NECAB3: variants seen among roughly 807,000 people sequenced by gnomAD.
NECAB3 encodes the protein N-terminal EF-hand calcium-binding protein 3.
A neutral mutation model predicts 57.2 loss-of-function variants in NECAB3; 38 were observed. The observed-to-expected ratio is 0.66, with a 90% CI of 0.51 to 0.87. NECAB3 has a LOEUF of 0.87. Ranked by LOEUF, NECAB3 falls within the 40% of genes least tolerant of loss-of-function variation. The pLI is 0.00. For missense variants in NECAB3, 474 were observed against 527.5 expected, an observed-to-expected ratio of 0.90 and a Z score of 0.99; for synonymous variants, 223 against 222.6, an observed-to-expected ratio of 1.00 and a Z score of -0.02.
Position 33,658,546 on chromosome 20 carries a change from G to A in NECAB3, c.1001C>T (p.Ala334Val), listed in dbSNP as rs1207307504. Residue 334 changes from alanine to valine, a missense_variant, in exon 10 of 12, where the codon GCC (alanine) becomes GTC (valine). By Grantham distance (64) the Ala-to-Val change is moderately conservative. Transcript: ENST00000246190. ...GAQSHCLHVS[A>V]QKMLDGASFT... ...GGAGGCACCGTCCAGCATCTTCTGG[G>A]CGGACACACTGTAGGGCCAAAGAGA... 1 of 1,614,040 alleles carries A rather than the reference G, an allele frequency of 6.2e-7. No homozygotes were observed. Among genetic ancestry groups the A allele is most frequent in the South Asian group, 1.1e-5 (1 of 91,078 alleles).
At chr20:33,673,667 G>A (rs1464684128) in intron 1 of NECAB3, among the ~76,000 whole-genome samples, 1 of 152,170 alleles carries the variant, frequency 6.6e-6, no homozygotes, top group East Asian at 1.9e-4. Context: ...CTGGAGTTGG[G>A]GCATGAGGGG....
chr20:33,661,453 G>A (rs1186322499), intron 5 of NECAB3, among the ~76,000 whole-genome samples: 1 of 152,174 alleles, frequency 6.6e-6, no homozygotes, highest in Non-Finnish European at 1.5e-5. Context: ...CCTGGGCCAG[G>A]CTTATGAGCT....
At chr20:33,669,846 A>G in intron 3 of NECAB3, 134 bp from the exon 4 acceptor site, 1 of 946,026 alleles carries the variant, frequency 1.1e-6, no homozygotes, top group Non-Finnish European at 1.6e-6. Context: ...CCCCAGATTA[A>G]GTTGCTCCTG....
Position 33,657,728 on chromosome 20 carries a change from G to T in NECAB3, c.*101C>A. Reference sequence around the variant, plus strand: ...AGCCCTTCCACCAGGCCCAAGTCCAGGAGGAGACAAGTCCTGGTCTTTGCG... The same window carrying T: ...AGCCCTTCCACCAGGCCCAAGTCCATGAGGAGACAAGTCCTGGTCTTTGCG... On this transcript the variant is annotated 3_prime_UTR_variant, in exon 12 of 12. Coordinates refer to ENST00000246190, the MANE Select transcript of NECAB3 (RefSeq NM_031232.4). 1 of 1,292,514 alleles carries T rather than the reference G, an allele frequency of 7.7e-7. No individual in the cohort carries two copies. Among genetic ancestry groups the T allele is most frequent in the Non-Finnish European group, 1.0e-6 (1 of 959,928 alleles). 80.1% of individuals were successfully genotyped at this position (1,292,514 alleles called of 1,614,324 possible).
chr20:33,658,063 C>G (rs3746461), intron 10 of NECAB3, 30 bp from the exon 11 acceptor site: 779,900 of 1,540,270 alleles, frequency 0.51, 201,161 homozygotes, highest in East Asian at 0.8. Flanking sequence ...AGTGACCTCG[C>G]TCTCCCCACT....
chr20:33,667,537 G>C, intron 5 of NECAB3: 3 of 1,542,408 alleles, frequency 1.9e-6, no homozygotes, highest in Non-Finnish European at 2.6e-6. Flanking sequence ...CTCCACCGGC[G>C]CGTTCAGCGG....
At chr20:33,662,864 G>A (rs1405452303) in intron 5 of NECAB3, 4 of 204,218 alleles carry the variant, frequency 2.0e-5, no homozygotes, top group Non-Finnish European at 4.1e-5. Flanking sequence ...AGCCCAGGAG[G>A]TCAGGGATGC....
chr20:33,669,674 T>TG lies in NECAB3; in HGVS notation c.289+12dup. 6.3e-7 allele frequency: 1 copy of TG among 1,591,758 alleles called. No individual in the cohort carries two copies. The highest frequency in any genetic ancestry group is 1.3e-5 in the African/African-American group (1 of 74,396). ...GGGCCACAGGAGAAAAGAGCTCCCA[T>TG]GGGCCTACTCACCACACAGTTTTTC... On this transcript the variant is annotated intron_variant, in intron 4 of 11. Coordinates refer to ENST00000246190, the MANE Select transcript of NECAB3 (RefSeq NM_031232.4).
chr20:33,674,067 C>G (rs2017893423), intron 1 of NECAB3, among the ~76,000 whole-genome samples, 157 bp downstream of exon 1: 1 of 152,200 alleles, frequency 6.6e-6, no homozygotes, highest in Non-Finnish European at 1.5e-5. Context: ...AGAGACAGAA[C>G]AGGTCACACA....
At chr20:33,672,175 A>G in intron 2 of NECAB3, 1 of 592,954 alleles carries the variant, frequency 1.7e-6, no homozygotes, top group Admixed American at 2.9e-5. Flanking sequence ...GTCAGCCCCT[A>G]TCTCCAGTCC....
intron 2 of NECAB3, 58 bp downstream of exon 2, chr20:33,672,340 G>A: frequency 1.2e-6 from 2 of 1,604,828 alleles, no homozygotes; most frequent in South Asian, 2.2e-5. Context: ...CTCTCCCTGG[G>A]CCTCCTGGAT....
At chr20:33,672,363 GC>G in intron 2 of NECAB3, 34 bp downstream of exon 2, 1 of 1,613,800 alleles carries the variant, frequency 6.2e-7, no homozygotes, top group Non-Finnish European at 8.5e-7. Context: ...CTCCCACCCT[GC>G]CCCACTGTGG....
At chr20:33,673,774 G>A (rs1448910132) in intron 1 of NECAB3, among the ~76,000 whole-genome samples, 2 of 152,176 alleles carry the variant, frequency 1.3e-5, no homozygotes, top group African/African-American at 2.4e-5. Flanking sequence ...ATGGCCCCAT[G>A]GGAGGGTGAC....
chr20:33,658,231 G>T (rs1399728130), intron 10 of NECAB3, among the ~76,000 whole-genome samples, 198 bp from the exon 11 acceptor site: 2 of 152,218 alleles, frequency 1.3e-5, no homozygotes, highest in African/African-American at 4.8e-5. Flanking sequence ...ATGGTGACAA[G>T]TGTGTATTCA....
Position 33,674,379 on chromosome 20 carries a change from T to C in NECAB3, c.-27A>G. ...GCGCCGCCACCCGCTCGGGCTCGGC[T>C]GCGGTTGCTGCCGACCCTGGACGCC... On this transcript the variant is annotated 5_prime_UTR_variant, in exon 1 of 12. Coordinates refer to ENST00000246190, the MANE Select transcript of NECAB3 (RefSeq NM_031232.4). 1.7e-6 allele frequency: 2 copies of C among 1,157,978 alleles called. No homozygotes were observed. 71.7% of individuals were successfully genotyped at this position (1,157,978 alleles called of 1,614,324 possible). A position where few individuals can be genotyped will look rare whatever the true frequency, so the allele number is the denominator to read the frequency against.
chr20:33,659,765 G>T (rs1243964948), intron 7 of NECAB3, 33 bp from the exon 8 acceptor site: 2 of 1,552,826 alleles, frequency 1.3e-6, no homozygotes, highest in Non-Finnish European at 8.7e-7. Context: ...GTCAGGCAGG[G>T]GCCTCTCAGG....
Position 33,670,707 on chromosome 20 carries a change from G to A in NECAB3, c.240C>T (p.Ser80=), listed in dbSNP as rs769431515. Reference sequence around the variant, plus strand: ...ACTCGGTGAGATGCCCATCAATGCCGCTGAACAGTTCCTGCAGCTCCCCCA... The same window carrying A: ...ACTCGGTGAGATGCCCATCAATGCCACTGAACAGTTCCTGCAGCTCCCCCA... The part of the protein sequence containing the change: ...LSLGELQELF[S]GIDGHLTDNL... The change falls in exon 3 of 12, where the codon AGC becomes AGT. Residue 80 remains serine, a synonymous_variant. Coordinates refer to ENST00000246190, the MANE Select transcript of NECAB3 (RefSeq NM_031232.4). 1.1e-5 allele frequency: 17 copies of A among 1,613,884 alleles called. No individual in the cohort carries two copies. The highest frequency in any genetic ancestry group is 1.7e-4 in the Middle Eastern group (1 of 6,054).
Position 33,657,623 on chromosome 20 carries a change from GACAA to G in NECAB3, c.*202_*205del. ...GCCAAAGTAGCTTGGAGGCTGAAGT[GACAA>G]ACAATAAAATACAGGGATAAATAAA... On this transcript the variant is annotated 3_prime_UTR_variant, in exon 12 of 12. Coordinates refer to ENST00000246190, the MANE Select transcript of NECAB3 (RefSeq NM_031232.4). The G allele has an allele frequency of 1.9e-6, 1 of 515,804 alleles. No homozygotes were observed. Among genetic ancestry groups the G allele is most frequent in the Non-Finnish European group, 3.2e-6 (1 of 310,182 alleles). The allele number at this position is 515,804 out of a possible 1,614,324, so 32.0% of individuals were successfully genotyped here. A position where few individuals can be genotyped will look rare whatever the true frequency, so the allele number is the denominator to read the frequency against.
In NECAB3 at chr20:33,659,549, G is replaced by C. The variant is rs758898074; in HGVS notation, c.827C>G (p.Ala276Gly). Residue 276 changes from alanine (A) to glycine (G), a missense_variant, in exon 8 of 12, where the codon GCC (alanine) becomes GGC (glycine). Ala to Gly is a moderately conservative substitution (Grantham distance 60, BLOSUM62 0). Transcript: ENST00000246190. ...TTCACGCAGGGGTTCCAGCCGGGGG[G>C]CCTGTGAGGGCACAGAGTGTGGGCC... ...RPGPHSVPSQAPRLEPLREED... is the reference protein window; with the variant it reads ...RPGPHSVPSQGPRLEPLREED... The C allele has an allele frequency of 1.4e-5, 22 of 1,559,372 alleles. No homozygotes were observed. The highest frequency in any genetic ancestry group is 1.9e-5 in the Non-Finnish European group (22 of 1,148,704).
Sources: allele counts gnomAD v4.1 joint callset (sites outside exome capture counted in the v4.1 genomes callset), GRCh38; gene constraint gnomAD v4.1.1; transcripts MANE v1.5; gene names NCBI Gene and HGNC (gene_info 2026-07-23, HGNC 2026-07-21).